Variants in ZEB2 observed in about 807,000 individuals in gnomAD.
ZEB2 encodes zinc finger E-box binding homeobox 2.
ZEB2 carries 6 observed loss-of-function variants against 99.9 expected under a neutral mutation model. The ratio of observed to expected loss-of-function variants is 0.06; its 90% confidence interval spans 0.03 to 0.12. The LOEUF is 0.12. Ranked by LOEUF, ZEB2 falls within the 10% of genes least tolerant of loss-of-function variation. The pLI, the probability that ZEB2 is intolerant of heterozygous loss-of-function variation, is 1.00. For synonymous variants in ZEB2, 517 were observed against 542.5 expected (o/e 0.95, Z 0.65); for missense variants, 969 against 1,502.8 (o/e 0.64, Z 5.87).
At chr2:144,411,328 A>T (rs1703462034) in intron 4 of ZEB2, among the ~76,000 whole-genome samples, 1 of 151,980 alleles carries the variant, frequency 6.6e-6, no homozygotes, top group African/African-American at 2.4e-5. Flanking sequence ...GATGATAAGA[A>T]AACACGAAAA....
chr2:144,483,489 A>C (rs1282590893), intron 2 of ZEB2, among the ~76,000 whole-genome samples: 1 of 152,250 alleles, frequency 6.6e-6, no homozygotes. Flanking sequence ...ACAAAAATAT[A>C]ACTTTTAAAA....
chr2:144,404,999 A>C lies in ZEB2; in HGVS notation c.429T>G (p.Asp143Glu), dbSNP rs754857619. 2 of 1,614,136 alleles carry C rather than the reference A, an allele frequency of 1.2e-6. No homozygotes were observed. Among genetic ancestry groups the C allele is most frequent in the African/African-American group, 1.3e-5 (1 of 75,064 alleles). Residue 143 changes from aspartate to glutamate, a missense_variant, in exon 5 of 10, where the codon GAT becomes GAG. Asp to Glu is a conservative substitution (Grantham distance 45, BLOSUM62 2). This residue lies in a region of ZEB2 where 173 missense variants were observed against 217.7 expected (regional missense o/e 0.79). Transcript: ENST00000627532. ...GTVKNANCTS[D>E]FEEYFAKRKL... ...TTCTTTTGGCAAAGTATTCCTCAAA[A>C]TCTGATGTGCAATTTGCATTCTTCA...
At chr2:144,450,595 C>T (rs1704042965) in intron 2 of ZEB2, 1 of 152,178 alleles carries the variant, frequency 6.6e-6, no homozygotes, top group Non-Finnish European at 1.5e-5. Context: ...ACTTTCCAAT[C>T]TTTAAAATAA....
At chr2:144,513,617 T>G in intron 2 of ZEB2, 1 of 1,531,696 alleles carries the variant, frequency 6.5e-7, no homozygotes, top group Non-Finnish European at 8.7e-7. Context: ...GGTGGCGGGA[T>G]GGGGAGGCAG....
chr2:144,484,459 A>G (rs1035985236), intron 2 of ZEB2, among the ~76,000 whole-genome samples: 8 of 151,914 alleles, frequency 5.3e-5, no homozygotes, highest in Non-Finnish European at 7.4e-5. Flanking sequence ...TTCTTGTTAT[A>G]CTGAGTCATG....
rs940252790 is a variant in ZEB2 at position 144,384,799 on chromosome 2, T to A, written c.*4652A>T. On this transcript the variant is annotated 3_prime_UTR_variant, in exon 10 of 10. Coordinates refer to ENST00000627532, the MANE Select transcript of ZEB2 (RefSeq NM_014795.4). Reference sequence around the variant, plus strand: ...AAATCACTGTGCACAGTTTAACAATTTAATTGAAAAAACCAAAGCTAAGCC... The same window carrying A: ...AAATCACTGTGCACAGTTTAACAATATAATTGAAAAAACCAAAGCTAAGCC... 6.6e-6 allele frequency: 1 copy of A among 152,154 alleles called. No homozygotes were observed. The highest frequency in any genetic ancestry group is 2.4e-5 in the African/African-American group (1 of 41,450). The allele number at this position is 152,154 out of a possible 1,614,324, so 9.4% of individuals were successfully genotyped here.
intron 2 of ZEB2, among the ~76,000 whole-genome samples, chr2:144,493,527 A>G (rs1060448): frequency 0.81 from 123,419 of 152,120 alleles, 50,233 homozygotes; most frequent in Admixed American, 0.84. Context: ...TCTTTTCATT[A>G]TATCGAGTGT....
chr2:144,458,084 T>A (rs1039548126), intron 2 of ZEB2, among the ~76,000 whole-genome samples: 1 of 151,950 alleles, frequency 6.6e-6, no homozygotes, highest in East Asian at 1.9e-4. Flanking sequence ...CAATTGCCTA[T>A]ATTTCTGGGC....
At chr2:144,469,864 G>T (rs1704331457) in intron 2 of ZEB2, among the ~76,000 whole-genome samples, 1 of 152,140 alleles carries the variant, frequency 6.6e-6, no homozygotes, top group African/African-American at 2.4e-5. Context: ...AAGTGCATCT[G>T]CTCATTTGAT....
chr2:144,396,482 A>G lies in ZEB2; in HGVS notation c.2997T>C (p.Tyr999=), dbSNP rs1573713486. The G allele has an allele frequency of 6.2e-7, 1 of 1,614,182 alleles. No homozygotes were observed. The highest frequency in any genetic ancestry group is 8.5e-7 in the Non-Finnish European group (1 of 1,180,006). ...KKIKKTESGM[Y]ACDLCDKTFQ... ...ATGTCTTGTCACATAAGTCACATGCATACATGCCACTCTCTGTCTTCTTGA... is the reference window on the plus strand; with the variant it reads ...ATGTCTTGTCACATAAGTCACATGCGTACATGCCACTCTCTGTCTTCTTGA... Residue 999 remains tyrosine, a synonymous_variant, in exon 9 of 10, where the codon TAT becomes TAC. Transcript: ENST00000627532.
intron 2 of ZEB2, 72 bp from the exon 3 acceptor site, chr2:144,430,098 T>A (rs1703750317): frequency 4.4e-6 from 7 of 1,584,208 alleles, no homozygotes; most frequent in Non-Finnish European, 5.2e-6. Context: ...AATTGTTTAG[T>A]TAAATGGAAA....
chr2:144,409,545 A>C (rs569115952), intron 4 of ZEB2, among the ~76,000 whole-genome samples: 44 of 152,306 alleles, frequency 2.9e-4, no homozygotes, highest in African/African-American at 8.7e-4. Context: ...ATCAAACCAT[A>C]ACAAAAATTC....
At chr2:144,443,328 T>C (rs915520993) in intron 2 of ZEB2, among the ~76,000 whole-genome samples, 1 of 152,120 alleles carries the variant, frequency 6.6e-6, no homozygotes, top group East Asian at 1.9e-4. Flanking sequence ...AAGGAATCCA[T>C]AAAAAATAAA....
chr2:144,412,062 G>A (rs557702382), intron 4 of ZEB2, among the ~76,000 whole-genome samples: 1 of 152,342 alleles, frequency 6.6e-6, no homozygotes, highest in South Asian at 2.1e-4. Context: ...CTGAGGTCAG[G>A]AGTTCAAGAC....
intron 2 of ZEB2, among the ~76,000 whole-genome samples, chr2:144,501,513 A>G (rs1704869501): frequency 6.6e-6 from 1 of 152,228 alleles, no homozygotes; most frequent in African/African-American, 2.4e-5. Context: ...GGTCCTAGCC[A>G]TGGACTTGTT....
chr2:144,513,494 G>A, intron 2 of ZEB2: 3 of 1,521,322 alleles, frequency 2.0e-6, no homozygotes, highest in Non-Finnish European at 2.6e-6. Flanking sequence ...TCCTAATTCA[G>A]TTTTTCTTTA....
intron 2 of ZEB2, among the ~76,000 whole-genome samples, chr2:144,510,347 G>A (rs1435447020): frequency 4.1e-5 from 6 of 146,846 alleles, no homozygotes; most frequent in East Asian, 2.1e-4. Context: ...CAGCTCGCCC[G>A]TCCCTCCCAC....
intron 4 of ZEB2, among the ~76,000 whole-genome samples, chr2:144,412,678 A>C (rs1462599985): frequency 6.6e-6 from 1 of 152,240 alleles, no homozygotes; most frequent in Non-Finnish European, 1.5e-5. Context: ...TAAATGAGAC[A>C]TTCATAACAT....
At chr2:144,505,007 A>G (rs1461348079) in intron 2 of ZEB2, among the ~76,000 whole-genome samples, 3 of 152,220 alleles carry the variant, frequency 2.0e-5, no homozygotes, top group African/African-American at 4.8e-5. Flanking sequence ...ACGAGCAGGG[A>G]AAAAATATAA....
Sources: gnomAD v4.1 joint callset for allele counts (sites outside exome capture counted in the v4.1 genomes callset) on GRCh38, gnomAD v4.1.1 for gene constraint, gnomAD v4.1.1 regional missense constraint, MANE v1.5 for transcripts, NCBI Gene and HGNC (gene_info 2026-07-23, HGNC 2026-07-21) for gene names.